Variants in A2M observed in about 807,000 individuals in gnomAD.
A2M encodes the protein alpha-2-macroglobulin.
A neutral mutation model predicts 183.9 loss-of-function variants in A2M; 128 were observed. That is an observed-to-expected ratio of 0.70 (90% CI 0.60 to 0.81). The LOEUF (loss-of-function observed/expected upper bound fraction) is 0.81. Ranked by LOEUF, A2M falls within the 30% of genes least tolerant of loss-of-function variation. The pLI is 0.00. For synonymous variants in A2M, 592 were observed against 670.8 expected (o/e 0.88, Z 1.81); for missense variants, 1,495 against 1,787.6 (o/e 0.84, Z 2.95).
At chr12:9,100,850 A>G (rs1207472697) in intron 13 of A2M, among the ~76,000 whole-genome samples, 1 of 152,178 alleles carries the variant, frequency 6.6e-6, no homozygotes, top group Non-Finnish European at 1.5e-5. Flanking sequence ...GAGCTAAGTT[A>G]TGAGGATGCA....
At chr12:9,112,668 T>C in intron 2 of A2M, 132 bp from the exon 3 acceptor site, 9 of 959,982 alleles carry the variant, frequency 9.4e-6, no homozygotes, top group East Asian at 2.6e-5. Flanking sequence ...GCAGGGAAAG[T>C]TGGCATGGAC....
intron 4 of A2M, chr12:9,111,468 A>G (rs747988693): frequency 2.2e-6 from 1 of 453,232 alleles, no homozygotes; most frequent in Non-Finnish European, 4.4e-6. Context: ...TAGAGATGAC[A>G]TTGACTAGGA....
At chr12:9,071,837 A>T (rs1948590604) in intron 31 of A2M, among the ~76,000 whole-genome samples, 1 of 152,174 alleles carries the variant, frequency 6.6e-6, no homozygotes, top group South Asian at 2.1e-4. Context: ...TTTCCTGAAT[A>T]GTATCTCCAA....
intron 7 of A2M, among the ~76,000 whole-genome samples, chr12:9,108,189 G>A (rs1021295242): frequency 4.0e-5 from 6 of 151,898 alleles, no homozygotes; most frequent in Non-Finnish European, 5.9e-5. Flanking sequence ...GCAGTGGTGC[G>A]ATCTTGGCTC....
At chr12:9,069,886 T>C (rs2137623218) in intron 32 of A2M, 73 bp from the exon 33 acceptor site, 1 of 1,311,520 alleles carries the variant, frequency 7.6e-7, no homozygotes, top group South Asian at 1.2e-5. Flanking sequence ...AAAAAATCTT[T>C]GTATTGCCAA....
At chr12:9,079,842 A>T in intron 23 of A2M, 27 bp from the exon 24 acceptor site, 1 of 1,536,288 alleles carries the variant, frequency 6.5e-7, no homozygotes, top group Non-Finnish European at 8.8e-7. Flanking sequence ...ATGGGAAGTC[A>T]TAAAGCTTGG....
chr12:9,096,057 C>A (rs1841962992), intron 15 of A2M, among the ~76,000 whole-genome samples: 1 of 152,130 alleles, frequency 6.6e-6, no homozygotes, highest in Non-Finnish European at 1.5e-5. Flanking sequence ...CCGCGCCCGG[C>A]CTTTGTGACA....
At chr12:9,108,792 A>T (rs1016167544) in intron 7 of A2M, among the ~76,000 whole-genome samples, 3 of 152,216 alleles carry the variant, frequency 2.0e-5, no homozygotes, top group Non-Finnish European at 1.5e-5. Flanking sequence ...ATGTCAGTGC[A>T]GACAGGTATG....
intron 15 of A2M, among the ~76,000 whole-genome samples, chr12:9,096,494 G>A (rs1002507737): frequency 6.6e-6 from 1 of 152,164 alleles, no homozygotes; most frequent in African/African-American, 2.4e-5. Flanking sequence ...CTCTCCACAG[G>A]ACACGATGGC....
At chr12:9,080,482 C>G (rs754326253) in intron 22 of A2M, 5 of 198,264 alleles carry the variant, frequency 2.5e-5, no homozygotes, top group Non-Finnish European at 5.1e-5. Context: ...ATGGCTGACA[C>G]AAGACGGTTA....
chr12:9,095,587 A>G lies in A2M; in HGVS notation c.1965T>C (p.Tyr655=). The G allele has an allele frequency of 6.2e-7, 1 of 1,612,164 alleles. No individual in the cohort carries two copies. The highest frequency in any genetic ancestry group is 8.5e-7 in the Non-Finnish European group (1 of 1,178,360). Residue 655 remains tyrosine (Y), a synonymous_variant, in exon 16 of 36, where the codon TAT becomes TAC. Transcript: ENST00000318602. ...TTTCATTTGTACTTGATACTGGAGT[A>G]TATGTGATTCCATTAATATAGACAT... is the stretch of plus-strand genomic sequence containing the variant. ...RHNVYINGIT[Y]TPVSSTNEKD...
intron 15 of A2M, 177 bp downstream of exon 15, chr12:9,098,430 T>TTATATA (rs56165810): frequency 1.0e-5 from 3 of 285,978 alleles, no homozygotes; most frequent in Non-Finnish European, 1.7e-5. Flanking sequence ...AAGTGAGTAG[T>TTATATA]TATATATATA....
chr12:9,089,917 C>T lies in A2M; in HGVS notation c.2703G>A (p.Lys901=), dbSNP rs374581746. The change falls in exon 21 of 36, where the codon AAG becomes AAA. Residue 901 remains lysine, a synonymous_variant. Transcript: ENST00000318602. ...PEHGRKDTVI[K]PLLVEPEGLE... ...GTTTACTTACTTCAACCAACAGAGG[C>T]TTGATGACTGTGTCTTTCCTTCCGT... The T allele has an allele frequency of 1.9e-6, 3 of 1,611,710 alleles. No individual in the cohort carries two copies. The highest frequency in any genetic ancestry group is 2.5e-6 in the Non-Finnish European group (3 of 1,178,342).
At chr12:9,082,209 G>A (rs1948928303) in intron 22 of A2M, among the ~76,000 whole-genome samples, 1 of 152,172 alleles carries the variant, frequency 6.6e-6, no homozygotes, top group African/African-American at 2.4e-5. Flanking sequence ...CATCTAAGAA[G>A]TATAGTATTT....
chr12:9,109,905 C>G lies in A2M; in HGVS notation c.635G>C (p.Gly212Ala). Reference sequence around the variant, plus strand: ...GGTGAAAGGGTGCTCTGTCCTTCCACCTGATTTCTTCTGTACCACCACCTT... The same window carrying G: ...GGTGAAAGGGTGCTCTGTCCTTCCAGCTGATTTCTTCTGTACCACCACCTT... ...SYKVVVQKKS[G>A]GRTEHPFTVE... Residue 212 changes from glycine (G) to alanine (A), a missense_variant, in exon 6 of 36, where the codon GGT becomes GCT. By Grantham distance (60) the Gly-to-Ala change is moderately conservative (BLOSUM62 0). Coordinates refer to ENST00000318602, the MANE Select transcript of A2M (RefSeq NM_000014.6). The G allele has an allele frequency of 6.2e-7, 1 of 1,612,790 alleles. No homozygotes were observed. Among genetic ancestry groups the G allele is most frequent in the Non-Finnish European group, 8.5e-7 (1 of 1,179,414 alleles).
In A2M at chr12:9,068,792, T is replaced by C. The variant is rs965842592; in HGVS notation, c.4314A>G (p.Pro1438=). ...SLFFTVLQDV[P]VRDLKPAIVK... Reference sequence around the variant, plus strand: ...CTATGGCTGGTTTCAGATCTCTTACTGGGACATCTTGCAGAACCGTGAAGA... The same window carrying C: ...CTATGGCTGGTTTCAGATCTCTTACCGGGACATCTTGCAGAACCGTGAAGA... The change falls in exon 34 of 36, where the codon CCA becomes CCG. Residue 1438 remains proline (P), a synonymous_variant. Transcript: ENST00000318602. 8 of 1,609,314 alleles carry C rather than the reference T, an allele frequency of 5.0e-6. No individual in the cohort carries two copies. In the African/African-American group the frequency reaches 1.1e-4, roughly 21 times the overall value.
chr12:9,095,450 G>T, intron 16 of A2M, 89 bp downstream of exon 16: 1 of 1,278,108 alleles, frequency 7.8e-7, no homozygotes, highest in Non-Finnish European at 1.1e-6. Context: ...CCTCAACTAG[G>T]ACATGAAGGC....
chr12:9,088,124 T>C lies in A2M; in HGVS notation c.2770+1076A>G, dbSNP rs560221777. 3.9e-4 allele frequency among the ~76,000 whole-genome samples: 59 copies of C among 152,250 alleles called. 3 individuals carry two copies. In the South Asian group the frequency reaches 9.5e-3, roughly 25 times the overall value. On this transcript the variant is annotated intron_variant, in intron 22 of 35. Coordinates refer to ENST00000318602, the MANE Select transcript of A2M (RefSeq NM_000014.6). ...ACAGTGATTTATAGAATGAAACTTA[T>C]ACAGTTTATTATATGTAAATCACAC...
At chr12:9,093,678 T>G in intron 17 of A2M, 99 bp from the exon 18 acceptor site, 1 of 661,378 alleles carries the variant, frequency 1.5e-6, no homozygotes, top group Non-Finnish European at 2.3e-6. Flanking sequence ...AAAAAACAAA[T>G]CGTCTGATGA....
Sources: allele counts gnomAD v4.1 joint callset (sites outside exome capture counted in the v4.1 genomes callset), GRCh38; gene constraint gnomAD v4.1.1; transcripts MANE v1.5; gene names NCBI Gene and HGNC (gene_info 2026-07-23, HGNC 2026-07-21).